Variants in SYT1 observed in about 807,000 individuals in gnomAD.
SYT1 encodes the protein synaptotagmin-1.
Under a neutral mutation model 44.8 loss-of-function variants are expected in SYT1, and 8 were observed. The ratio of observed to expected loss-of-function variants is 0.18; its 90% CI spans 0.10 to 0.32. The LOEUF (loss-of-function observed/expected upper bound fraction) is 0.32, where lower values mean the gene tolerates loss of function less well. Among genes scored for constraint, SYT1 ranks in the 10% least tolerant of loss-of-function variants. The pLI is 1.00. For missense variants in SYT1, 286 were observed against 509.3 expected (o/e 0.56, Z 4.22); for synonymous variants, 154 against 188.8 (o/e 0.82, Z 1.51).
At chr12:79,167,657 C>T (rs552500543) in intron 3 of SYT1, among the ~76,000 whole-genome samples, 2 of 152,040 alleles carry the variant, frequency 1.3e-5, no homozygotes, top group South Asian at 4.2e-4. Context: ...GGTGAAATGT[C>T]AGGGACTGAA....
intron 1 of SYT1, among the ~76,000 whole-genome samples, chr12:78,881,293 G>A (rs1057304984): frequency 3.3e-5 from 5 of 151,290 alleles, no homozygotes; most frequent in Non-Finnish European, 5.9e-5. Flanking sequence ...TATTTTTTAG[G>A]TCTGTTTCTC....
chr12:79,358,440 G>C (rs1322670929), intron 9 of SYT1, among the ~76,000 whole-genome samples: 1 of 152,130 alleles, frequency 6.6e-6, no homozygotes. Flanking sequence ...TGGTTCTCAT[G>C]ATAGCCCTGT....
chr12:79,141,113 T>C (rs1170077984), intron 3 of SYT1, among the ~76,000 whole-genome samples: 2 of 152,222 alleles, frequency 1.3e-5, no homozygotes, highest in Non-Finnish European at 2.9e-5. Flanking sequence ...TTCTTTGAGA[T>C]ATCAAAGTTC....
intron 1 of SYT1, among the ~76,000 whole-genome samples, chr12:78,869,544 T>A (rs1873712282): frequency 6.6e-6 from 1 of 151,952 alleles, no homozygotes. Context: ...TTTCTGCAAT[T>A]TAAAATATAA....
intron 2 of SYT1, among the ~76,000 whole-genome samples, chr12:79,046,986 CTAA>C (rs1874116282): frequency 6.6e-6 from 1 of 151,884 alleles, no homozygotes; most frequent in Admixed American, 6.6e-5. Context: ...GTAATATTCT[CTAA>C]TGTCTGCCTA....
chr12:79,040,780 C>A (rs903629365), intron 2 of SYT1, among the ~76,000 whole-genome samples: 34 of 151,764 alleles, frequency 2.2e-4, no homozygotes, highest in Non-Finnish European at 4.0e-4. Context: ...GTCTTTAATC[C>A]ATCTTGAATT....
intron 9 of SYT1, among the ~76,000 whole-genome samples, chr12:79,386,502 G>GC (rs969675928): frequency 3.3e-5 from 5 of 151,630 alleles, no homozygotes; most frequent in Non-Finnish European, 7.4e-5. Flanking sequence ...CCCTCTCCTA[G>GC]CCCCCCAACC....
At chr12:79,110,893 C>T (rs1878975256) in intron 3 of SYT1, among the ~76,000 whole-genome samples, 1 of 151,946 alleles carries the variant, frequency 6.6e-6, no homozygotes, top group African/African-American at 2.4e-5. Context: ...AATTAAGTAC[C>T]ATTGCTACTT....
intron 1 of SYT1, among the ~76,000 whole-genome samples, chr12:78,928,885 G>T (rs992058433): frequency 2.0e-5 from 3 of 152,204 alleles, no homozygotes; most frequent in Middle Eastern, 3.4e-3. Flanking sequence ...TTGAACAAGA[G>T]GGGAATGCTG....
At chr12:78,918,587 T>C (rs1405230281) in intron 1 of SYT1, among the ~76,000 whole-genome samples, 1 of 152,052 alleles carries the variant, frequency 6.6e-6, no homozygotes, top group African/African-American at 2.4e-5. Flanking sequence ...ACAGCGCTCC[T>C]GAGCAGCGCA....
chr12:79,348,994 AGAAG>A, intron 8 of SYT1, among the ~76,000 whole-genome samples: 1 of 80,442 alleles, frequency 1.2e-5, no homozygotes, highest in South Asian at 4.2e-4. Context: ...AAAGAAAGAG[AGAAG>A]GAAAGAAAGA....
intron 2 of SYT1, among the ~76,000 whole-genome samples, chr12:78,988,231 A>G (rs570189857): frequency 2.0e-5 from 3 of 151,862 alleles, no homozygotes; most frequent in Non-Finnish European, 2.9e-5. Context: ...TGGTTTTTAC[A>G]TTATATTGGA....
intron 4 of SYT1, among the ~76,000 whole-genome samples, chr12:79,258,046 G>A (rs1419138745): frequency 6.6e-6 from 1 of 152,262 alleles, no homozygotes; most frequent in East Asian, 1.9e-4. Context: ...CAACTGTTTA[G>A]ATGAAGAAGC....
At chr12:79,217,778 T>A (rs1565860325) in intron 4 of SYT1, 93 bp downstream of exon 4, 1 of 982,712 alleles carries the variant, frequency 1.0e-6, no homozygotes, top group African/African-American at 1.7e-5. Context: ...TGATATACTA[T>A]AAATTTACAT....
chr12:79,374,296 G>C (rs540202101), intron 9 of SYT1, among the ~76,000 whole-genome samples: 7 of 152,092 alleles, frequency 4.6e-5, no homozygotes, highest in African/African-American at 1.4e-4. Context: ...CTGGAGATCA[G>C]AGAAACTAAA....
At chr12:79,363,236 A>G (rs969107371) in intron 9 of SYT1, among the ~76,000 whole-genome samples, 2 of 152,110 alleles carry the variant, frequency 1.3e-5, no homozygotes. Context: ...GGGTTCTTTC[A>G]GGAGATATTT....
chr12:79,066,226 T>C (rs1875839579), intron 3 of SYT1, among the ~76,000 whole-genome samples: 1 of 152,076 alleles, frequency 6.6e-6, no homozygotes, highest in Non-Finnish European at 1.5e-5. Context: ...TAGCAAAGAA[T>C]ACATTTTACC....
At chr12:78,973,145 AATGAT>A (rs1440624923) in intron 1 of SYT1, among the ~76,000 whole-genome samples, 2 of 152,150 alleles carry the variant, frequency 1.3e-5, no homozygotes, top group Non-Finnish European at 2.9e-5. Context: ...TCACAGGAAA[AATGAT>A]ATGTATTTAC....
intron 2 of SYT1, among the ~76,000 whole-genome samples, chr12:78,981,953 G>A (rs935370854): frequency 2.0e-5 from 3 of 152,120 alleles, no homozygotes; most frequent in Admixed American, 2.0e-4. Flanking sequence ...AGGGCTAGGA[G>A]TGTGGATAAC....
Sources: gnomAD v4.1 joint callset for allele counts (sites outside exome capture counted in the v4.1 genomes callset) on GRCh38, gnomAD v4.1.1 for gene constraint, MANE v1.5 for transcripts, NCBI Gene and HGNC (gene_info 2026-07-23, HGNC 2026-07-21) for gene names.